Variants in CEACAM20 observed in about 807,000 individuals in gnomAD.
CEACAM20 encodes CEA cell adhesion molecule 20.
Under a neutral mutation model 61.2 loss-of-function variants are expected in CEACAM20, and 50 were observed. That is an observed-to-expected ratio of 0.82 (90% CI 0.65 to 1.03). CEACAM20 has a LOEUF of 1.03. CEACAM20 is among the 50% of genes least tolerant of loss of function. CEACAM20 has a pLI of 0.00. For synonymous variants in CEACAM20, 282 were observed against 287.7 expected, an observed-to-expected ratio of 0.98 and a Z score of 0.20; for missense variants, 683 against 736.4, an observed-to-expected ratio of 0.93 and a Z score of 0.84.
chr19:44,520,843 TGC>T (rs1599680641), intron 4 of CEACAM20, 91 bp from the exon 5 acceptor site: 5 of 1,109,612 alleles, frequency 4.5e-6, no homozygotes, highest in South Asian at 1.5e-5. Flanking sequence ...CAGGAGTGCG[TGC>T]GTGTGTGTGT....
rs751638339 is a variant in CEACAM20 at position 44,516,915 on chromosome 19, T to C, written c.1309+31A>G. On this transcript the variant is annotated intron_variant, in intron 6 of 11. Coordinates refer to ENST00000614924, the MANE Select transcript of CEACAM20 (RefSeq NM_001102597.3). ...CCAGCATCAGGAAAGGCCCCTCGGG[T>C]CCTGGGAGAAGGCGACCCTGAGAGA... 17 of 1,572,612 alleles carry C rather than the reference T, an allele frequency of 1.1e-5. No individual in the cohort carries two copies. The South Asian group carries it at 1.9e-4, about 17-fold the overall frequency.
intron 5 of CEACAM20, among the ~76,000 whole-genome samples, chr19:44,519,889 T>C (rs1971302005): frequency 6.6e-6 from 1 of 152,100 alleles, no homozygotes; most frequent in Admixed American, 6.5e-5. Context: ...GCAGGCCCCT[T>C]CCTGGGAGAT....
intron 4 of CEACAM20, among the ~76,000 whole-genome samples, 189 bp from the exon 5 acceptor site, chr19:44,520,941 T>C (rs1971346665): frequency 1.3e-5 from 2 of 152,052 alleles, no homozygotes; most frequent in African/African-American, 2.4e-5. Flanking sequence ...GATGAATGTG[T>C]GTCGTGTGAT....
At chr19:44,521,436 T>A (rs16959168) in intron 4 of CEACAM20, among the ~76,000 whole-genome samples, 26,890 of 152,014 alleles carry the variant, frequency 0.18, 3,617 homozygotes, top group African/African-American at 0.36. Flanking sequence ...GTATATGTGA[T>A]CTTGTTTGTT....
At chr19:44,522,532 AG>A (rs1234269780) in intron 4 of CEACAM20, 101 bp downstream of exon 4, 2 of 1,245,282 alleles carry the variant, frequency 1.6e-6, no homozygotes, top group Non-Finnish European at 2.2e-6. Flanking sequence ...TCCCTCACAC[AG>A]TATCCAAAGG....
rs555482841 is a variant in CEACAM20 at position 44,520,839 on chromosome 19, TGCGTGC to T, written c.752-93_752-88del. On this transcript the variant is annotated intron_variant, in intron 4 of 11. Transcript: ENST00000614924. ...TGGGGCCCACAAGTTTTTCCAGGAG[TGCGTGC>T]GTGTGTGTGTGTGTGTGTGTGTGTT... 1,598 of 1,176,696 alleles carry T rather than the reference TGCGTGC, an allele frequency of 1.4e-3. 1 individual carries two copies. The highest frequency in any genetic ancestry group is 8.8e-3 in the East Asian group (278 of 31,432). 72.9% of individuals were successfully genotyped at this position (1,176,696 alleles called of 1,614,324 possible).
chr19:44,508,950 C>T (rs891863727), intron 11 of CEACAM20, among the ~76,000 whole-genome samples: 1 of 152,060 alleles, frequency 6.6e-6, no homozygotes, highest in Admixed American at 6.5e-5. Context: ...TGCTTCAAAT[C>T]TCCCATGAGA....
chr19:44,511,919 GT>G, intron 9 of CEACAM20, 97 bp downstream of exon 9: 3 of 1,222,608 alleles, frequency 2.5e-6, no homozygotes, highest in Non-Finnish European at 2.3e-6. Context: ...CTGGCACTGG[GT>G]TTTCTCAAAA....
At chr19:44,512,799 C>A in intron 8 of CEACAM20, 69 bp downstream of exon 8, 3 of 1,295,990 alleles carry the variant, frequency 2.3e-6, no homozygotes, top group Non-Finnish European at 3.3e-6. Context: ...AAGCTGGGAG[C>A]CCCCAGCACC....
chr19:44,517,304 G>T, intron 5 of CEACAM20, 80 bp from the exon 6 acceptor site: 5 of 1,523,832 alleles, frequency 3.3e-6, no homozygotes, highest in Non-Finnish European at 4.5e-6. Flanking sequence ...TTTCACCTTG[G>T]AATTTCAGTA....
Position 44,522,560 on chromosome 19 carries a change from C to T in CEACAM20, c.751+74G>A, listed in dbSNP as rs1971396411. 2.6e-6 allele frequency: 4 copies of T among 1,510,952 alleles called. No individual in the cohort carries two copies. The South Asian group carries it at 5.1e-5, about 19-fold the overall frequency. 93.6% of individuals were successfully genotyped at this position (1,510,952 alleles called of 1,614,324 possible). A position where few individuals can be genotyped will look rare whatever the true frequency, so the allele number is the denominator to read the frequency against. On this transcript the variant is annotated intron_variant, in intron 4 of 11. Transcript: ENST00000614924. ...ATCCAAAGGCCCTGGATTAAGAACT[C>T]CTGGTTCCTTCTGACATGGCCAGCA...
chr19:44,516,981 AGG>A lies in CEACAM20; in HGVS notation c.1272_1273del (p.Leu425GlyfsTer63), dbSNP rs1226271951. 1 of 1,599,198 alleles carries A rather than the reference AGG, an allele frequency of 6.3e-7. No homozygotes were observed. Among genetic ancestry groups the A allele is most frequent in the African/African-American group, 1.3e-5 (1 of 74,690 alleles). On this transcript the variant is annotated frameshift_variant, in exon 6 of 12. Coordinates refer to ENST00000614924, the MANE Select transcript of CEACAM20 (RefSeq NM_001102597.3). LOFTEE classifies it high-confidence loss of function. ...GACCAGGACTGAAGTGGAGCGGGCCAGGCCAGTGAGAGAGTTGGAGGCTGTGC... is the reference window on the plus strand; with the variant it reads ...GACCAGGACTGAAGTGGAGCGGGCCACCAGTGAGAGAGTTGGAGGCTGTGC...
At chr19:44,525,307 G>A in intron 1 of CEACAM20, 63 bp from the exon 2 acceptor site, 1 of 1,474,806 alleles carries the variant, frequency 6.8e-7, no homozygotes, top group African/African-American at 1.5e-5. Context: ...CCCGGCTAAG[G>A]TCTTCAGAAG....
chr19:44,523,185 A>G (rs151130300), intron 3 of CEACAM20, among the ~76,000 whole-genome samples: 4 of 151,816 alleles, frequency 2.6e-5, no homozygotes, highest in African/African-American at 7.2e-5. Flanking sequence ...GAGGCAAGAG[A>G]ATTGCTTGGA....
intron 11 of CEACAM20, among the ~76,000 whole-genome samples, chr19:44,510,265 A>C (rs1203640779): frequency 6.6e-6 from 1 of 152,086 alleles, no homozygotes; most frequent in Non-Finnish European, 1.5e-5. Context: ...TAATCTCAGC[A>C]CTTTGGGAGG....
At chr19:44,529,367 CACACACACA>C in intron 1 of CEACAM20, 82 bp downstream of exon 1, 1 of 1,037,874 alleles carries the variant, frequency 9.6e-7, no homozygotes, top group South Asian at 1.4e-5. Context: ...CACACACACA[CACACACACA>C]CACACACACA....
chr19:44,525,391 A>G (rs544304819), intron 1 of CEACAM20, 147 bp from the exon 2 acceptor site: 3 of 670,014 alleles, frequency 4.5e-6, no homozygotes, highest in Non-Finnish European at 7.1e-6. Flanking sequence ...ACTTACAGCT[A>G]TGTGACCTGC....
At chr19:44,516,547 A>C (rs1971160446) in intron 6 of CEACAM20, among the ~76,000 whole-genome samples, 1 of 152,188 alleles carries the variant, frequency 6.6e-6, no homozygotes, top group Non-Finnish European at 1.5e-5. Flanking sequence ...ACCATGTAAG[A>C]CATGCCTTTC....
intron 1 of CEACAM20, 108 bp downstream of exon 1, chr19:44,529,350 G>C: frequency 1.1e-6 from 1 of 883,830 alleles, no homozygotes; most frequent in Non-Finnish European, 1.7e-6. Flanking sequence ...CTTTTTCCTC[G>C]AGTGCACACA....
Sources: gnomAD v4.1 joint callset for allele counts (sites outside exome capture counted in the v4.1 genomes callset) on GRCh38, gnomAD v4.1.1 for gene constraint, MANE v1.5 for transcripts, NCBI Gene and HGNC (gene_info 2026-07-23, HGNC 2026-07-21) for gene names.